The following ZNF782 variants were observed in gnomAD, a reference collection of about 807,000 sequenced individuals.
ZNF782 encodes the protein zinc finger protein 782.
ZNF782 carries 12 observed loss-of-function variants against 13.0 expected under a neutral mutation model. The ratio of observed to expected loss-of-function variants is 0.92; its 90% CI spans 0.59 to 1.50. The LOEUF is 1.50. Among genes scored for constraint, ZNF782 ranks in the 40% most tolerant of loss-of-function variants. The probability of loss-of-function intolerance (pLI) is 0.00; values close to 1 mark genes in which losing one functional copy is unlikely to be tolerated. For missense variants in ZNF782, 770 were observed against 822.9 expected, an observed-to-expected ratio of 0.94 and a Z score of 0.79; for synonymous variants, 284 against 283.0, an observed-to-expected ratio of 1.00 and a Z score of -0.04.
At chr9:96,896,200 C>CT in the ZNF782 span, among the ~76,000 whole-genome samples, 1 of 152,128 alleles carries the variant, frequency 6.6e-6, no homozygotes, top group Admixed American at 6.5e-5. Context: ...CTGGCAGATA[C>CT]TTTTTTTCCT....
At chr9:96,874,620 G>T (rs1261225451) in intron 1 of ZNF782, among the ~76,000 whole-genome samples, 1 of 152,190 alleles carries the variant, frequency 6.6e-6, no homozygotes, top group Non-Finnish European at 1.5e-5. Context: ...ATTCTGGCGG[G>T]TGGATCAAGC....
At chr9:96,894,052 A>G in the ZNF782 span, 1 of 148,928 alleles carries the variant, frequency 6.7e-6, no homozygotes, top group African/African-American at 2.6e-5. Context: ...AGGGACATGG[A>G]TGAAGCTGGA....
intron 4 of ZNF782, among the ~76,000 whole-genome samples, chr9:96,829,864 C>T (rs1184128327): frequency 6.6e-6 from 1 of 152,088 alleles, no homozygotes; most frequent in African/African-American, 2.4e-5. Flanking sequence ...GAGGTACTTT[C>T]TCCTATCTTT....
intron 5 of ZNF782, among the ~76,000 whole-genome samples, chr9:96,824,029 A>G (rs1850516115): frequency 6.6e-6 from 1 of 152,236 alleles, no homozygotes; most frequent in South Asian, 2.1e-4. Flanking sequence ...ACAGAAAAAG[A>G]GGGAGTCCTC....
Position 96,827,125 on chromosome 9 carries a change from A to G in ZNF782, c.199T>C (p.Trp67Arg), listed in dbSNP as rs766294087. The G allele has an allele frequency of 1.9e-6, 3 of 1,612,666 alleles. No homozygotes were observed. The highest frequency in any genetic ancestry group is 1.1e-5 in the South Asian group (1 of 90,852). ...AATCCTTTCTCTTTCTCTAATAACCATGGATCTTCTCCTTGTTCCAATGTG... is the reference window on the plus strand; with the variant it reads ...AATCCTTTCTCTTTCTCTAATAACCGTGGATCTTCTCCTTGTTCCAATGTG... Reference protein sequence around the residue: ...IFTLEQGEDPWLLEKEKGFLS... With the variant: ...IFTLEQGEDPRLLEKEKGFLS... Residue 67 changes from tryptophan (W) to arginine (R), a missense_variant, in exon 5 of 6, where the codon TGG becomes CGG. Trp to Arg is a moderately radical substitution (Grantham distance 101). Transcript: ENST00000481138.
chr9:96,863,390 AG>A (rs1410061343), intron 1 of ZNF782, among the ~76,000 whole-genome samples: 19 of 152,116 alleles, frequency 1.2e-4, no homozygotes, highest in South Asian at 6.2e-4. Flanking sequence ...TTTGGTGAAA[AG>A]GGAACACTTT....
chr9:96,825,042 T>C (rs1359576842), intron 5 of ZNF782, among the ~76,000 whole-genome samples: 4 of 150,618 alleles, frequency 2.7e-5, no homozygotes, highest in African/African-American at 4.8e-5. Flanking sequence ...CTTCACAGAA[T>C]TGGAAAAAAC....
In ZNF782 at chr9:96,863,011, T is replaced by C. The variant is rs11999272; in HGVS notation, c.-456-1408A>G. Among the ~76,000 whole-genome samples the C allele has an allele frequency of 2.4e-3, 362 of 151,812 alleles. 3 individuals are homozygous for C. The highest frequency in any genetic ancestry group is 8.3e-3 in the African/African-American group (342 of 41,358). On this transcript the variant is annotated intron_variant, in intron 1 of 5. Coordinates refer to the ZNF782 transcript ENST00000498811. ...CAGAGGCCAGCTCCAAGATGCCCAGTTCTACACAATGCTATTTGTGAACGC... is the reference window on the plus strand; with the variant it reads ...CAGAGGCCAGCTCCAAGATGCCCAGCTCTACACAATGCTATTTGTGAACGC...
chr9:96,827,048 G>A, intron 5 of ZNF782, 32 bp downstream of exon 5: 1 of 1,468,580 alleles, frequency 6.8e-7, no homozygotes, highest in Non-Finnish European at 9.4e-7. Context: ...GTGAATCAGA[G>A]AACCTTCTTC....
At chr9:96,863,391 G>C (rs1221985371) in intron 1 of ZNF782, among the ~76,000 whole-genome samples, 2 of 151,844 alleles carry the variant, frequency 1.3e-5, no homozygotes, top group Non-Finnish European at 2.9e-5. Flanking sequence ...TTGGTGAAAA[G>C]GGAACACTTT....
Position 96,818,844 on chromosome 9 carries a change from G to C in ZNF782, c.1179C>G (p.Pro393=), listed in dbSNP as rs1850291423. 5.0e-6 allele frequency: 8 copies of C among 1,611,048 alleles called. 1 individual carries two copies. The Admixed American group carries it at 1.3e-4, about 27-fold the overall frequency. The change falls in exon 6 of 6, where the codon CCC becomes CCG. Residue 393 remains proline, a synonymous_variant. Coordinates refer to ENST00000481138, the MANE Select transcript of ZNF782 (RefSeq NM_001001662.3). ...WPQKSHTGEK[P]YECPECGKAF... ...CTTTCCCGCACTCAGGACATTCATA[G>C]GGTTTCTCCCCTGTGTGACTTTTCT...
upstream of ZNF782, among the ~76,000 whole-genome samples, chr9:96,878,093 A>C (rs1851916240): frequency 6.6e-6 from 1 of 152,190 alleles, no homozygotes; most frequent in South Asian, 2.1e-4. Context: ...TTGTTGCCCA[A>C]GCTGGAGTGC....
the ZNF782 span, among the ~76,000 whole-genome samples, chr9:96,924,801 C>T: frequency 6.6e-6 from 1 of 152,254 alleles, no homozygotes; most frequent in South Asian, 2.1e-4. Flanking sequence ...ACGGCCGAGA[C>T]AAACTTTGGG....
the ZNF782 span, chr9:96,890,100 G>C: frequency 6.6e-6 from 1 of 152,298 alleles, no homozygotes; most frequent in Non-Finnish European, 1.5e-5. Flanking sequence ...GCAGGCGTGT[G>C]ACCCAGGCAG....
chr9:96,877,439 C>T (rs1851907526), upstream of ZNF782, among the ~76,000 whole-genome samples: 1 of 152,250 alleles, frequency 6.6e-6, no homozygotes, highest in African/African-American at 2.4e-5. Context: ...GGGGCGAAGC[C>T]GCCCCCGGAC....
chr9:96,817,870 G>A lies in ZNF782; in HGVS notation c.*53C>T, dbSNP rs1850220356. 1.4e-6 allele frequency: 2 copies of A among 1,454,406 alleles called. No homozygotes were observed. The highest frequency in any genetic ancestry group is 2.3e-5 in the East Asian group (1 of 43,762). 90.1% of individuals were successfully genotyped at this position (1,454,406 alleles called of 1,614,324 possible). A position where few individuals can be genotyped will look rare whatever the true frequency, so the allele number is the denominator to read the frequency against. ...TCTCCTGTGTGTTCATTTATGTATT[G>A]TGAGGTTTGATTTCCAGCTCAGAGT... On this transcript the variant is annotated 3_prime_UTR_variant, in exon 6 of 6. Transcript: ENST00000481138.
intron 1 of ZNF782, among the ~76,000 whole-genome samples, chr9:96,870,704 T>C (rs967472865): frequency 1.3e-5 from 2 of 152,246 alleles, no homozygotes; most frequent in African/African-American, 4.8e-5. Context: ...ACTTTTCTGT[T>C]TCTTTTATAT....
the ZNF782 span, among the ~76,000 whole-genome samples, chr9:96,906,577 AG>A: frequency 6.6e-6 from 1 of 152,024 alleles, no homozygotes; most frequent in African/African-American, 2.4e-5. Context: ...TTTATTATAA[AG>A]AATATTACAA....
chr9:96,859,230 C>T (rs1288796612), upstream of ZNF782, among the ~76,000 whole-genome samples: 1 of 152,166 alleles, frequency 6.6e-6, no homozygotes, highest in Non-Finnish European at 1.5e-5. Flanking sequence ...TTAGGCAAGT[C>T]CTAGTGCTGT....
Sources: allele counts gnomAD v4.1 joint callset (sites outside exome capture counted in the v4.1 genomes callset), GRCh38; gene constraint gnomAD v4.1.1; transcripts MANE v1.5; gene names NCBI Gene and HGNC (gene_info 2026-07-23, HGNC 2026-07-21).